B3GALT1: variants seen among roughly 807,000 people sequenced by gnomAD.
The protein encoded by B3GALT1 is beta-1,3-galactosyltransferase 1, also known as UDP-Gal:betaGlcNAc beta 1,3-galactosyltransferase, polypeptide 1.
B3GALT1 carries 10 observed loss-of-function variants against 23.2 expected under a neutral mutation model. That is an observed-to-expected ratio of 0.43 (90% CI 0.27 to 0.73). The LOEUF is 0.73. Ranked by LOEUF, B3GALT1 falls within the 30% of genes least tolerant of loss-of-function variation. The pLI is 0.21. For synonymous variants in B3GALT1, 156 were observed against 141.5 expected, an observed-to-expected ratio of 1.10 and a Z score of -0.73; for missense variants, 299 against 405.4, an observed-to-expected ratio of 0.74 and a Z score of 2.25.
intron 1 of B3GALT1, among the ~76,000 whole-genome samples, chr2:167,439,637 C>A (rs1017409276): frequency 6.6e-6 from 1 of 151,852 alleles, no homozygotes; most frequent in Non-Finnish European, 1.5e-5. Context: ...ATGTGCCATG[C>A]TGGTGTGCTG....
At chr2:167,634,409 G>A (rs543403097) in intron 2 of B3GALT1, among the ~76,000 whole-genome samples, 24 of 152,158 alleles carry the variant, frequency 1.6e-4, no homozygotes, top group Non-Finnish European at 3.2e-4. Context: ...ATGAATCCAG[G>A]AGCTGGTTTT....
At chr2:167,486,058 C>A (rs1436541583) in intron 1 of B3GALT1, among the ~76,000 whole-genome samples, 1 of 152,120 alleles carries the variant, frequency 6.6e-6, no homozygotes, top group African/African-American at 2.4e-5. Flanking sequence ...GTCTTAAGTG[C>A]AAATATTTAT....
intron 3 of B3GALT1, among the ~76,000 whole-genome samples, chr2:167,699,808 G>A (rs1332589649): frequency 6.6e-6 from 1 of 152,064 alleles, no homozygotes; most frequent in Non-Finnish European, 1.5e-5. Flanking sequence ...CACCTCCCAG[G>A]TTCAAGTGAT....
chr2:167,321,404 A>G (rs959081022), intron 1 of B3GALT1, among the ~76,000 whole-genome samples: 6 of 152,098 alleles, frequency 3.9e-5, no homozygotes, highest in African/African-American at 1.2e-4. Flanking sequence ...AATATTTGCT[A>G]TATATAAAAT....
In B3GALT1 at chr2:167,716,222, C is replaced by T. The variant is rs554163328; in HGVS notation, c.-352+69256C>T. Among the ~76,000 whole-genome samples, 3 of 152,342 alleles carry T rather than the reference C, an allele frequency of 2.0e-5. No individual in the cohort carries two copies. In the East Asian group the frequency reaches 5.8e-4, roughly 29 times the overall value. On this transcript the variant is annotated intron_variant, in intron 3 of 4. Coordinates refer to ENST00000392690, the MANE Select transcript of B3GALT1 (RefSeq NM_020981.4). ...TGCGGAGGGAGCTGGGGAATGCGGG[C>T]ACCCCCCACAGGCCTCACAGGCCCG...
chr2:167,420,647 A>G (rs1698532397), intron 1 of B3GALT1, among the ~76,000 whole-genome samples: 2 of 152,236 alleles, frequency 1.3e-5, no homozygotes, highest in Non-Finnish European at 2.9e-5. Flanking sequence ...CCTCATGCCT[A>G]GCATGGCCGT....
chr2:167,381,457 A>T (rs999914720), intron 1 of B3GALT1, among the ~76,000 whole-genome samples: 3 of 152,242 alleles, frequency 2.0e-5, no homozygotes, highest in Non-Finnish European at 4.4e-5. Context: ...TGCATGTTAG[A>T]ATCACTTGGG....
intron 2 of B3GALT1, among the ~76,000 whole-genome samples, chr2:167,592,444 G>A (rs140571023): frequency 1.8e-3 from 267 of 152,262 alleles, no homozygotes; most frequent in African/African-American, 6.3e-3. Flanking sequence ...TATGGCTGCA[G>A]GTTTGTGGAC....
rs1458068771 is a variant in B3GALT1 at position 167,825,263 on chromosome 2, G to A, written c.-230+6470G>A. On this transcript the variant is annotated intron_variant, in intron 4 of 4. Coordinates refer to ENST00000392690, the MANE Select transcript of B3GALT1 (RefSeq NM_020981.4). Reference sequence around the variant, plus strand: ...CGCGCCACTGTACTCTAGCCTGGGCGACAGAGCAAGACTCCGTCTCAAAAA... The same window carrying A: ...CGCGCCACTGTACTCTAGCCTGGGCAACAGAGCAAGACTCCGTCTCAAAAA... Among the ~76,000 whole-genome samples, 248 of 128,346 alleles carry A rather than the reference G, an allele frequency of 1.9e-3. 2 individuals carry two copies. The highest frequency in any genetic ancestry group is 7.2e-3 in the African/African-American group (234 of 32,550). 84.2% of individuals were successfully genotyped at this position (128,346 alleles called of 152,430 possible). A position where few individuals can be genotyped will look rare whatever the true frequency, so the allele number is the denominator to read the frequency against.
intron 4 of B3GALT1, among the ~76,000 whole-genome samples, chr2:167,819,850 G>A (rs1334106652): frequency 3.9e-5 from 6 of 152,176 alleles, no homozygotes; most frequent in Non-Finnish European, 8.8e-5. Flanking sequence ...GGATATGTTG[G>A]TTTTCACAGC....
chr2:167,652,733 C>T (rs1359947519), intron 3 of B3GALT1, among the ~76,000 whole-genome samples: 3 of 152,094 alleles, frequency 2.0e-5, no homozygotes, highest in Non-Finnish European at 2.9e-5. Context: ...ATAATAGGTG[C>T]TTTTTCAGGC....
intron 1 of B3GALT1, among the ~76,000 whole-genome samples, chr2:167,304,676 A>T (rs960794744): frequency 1.3e-5 from 2 of 151,420 alleles, no homozygotes; most frequent in Admixed American, 1.3e-4. Flanking sequence ...AGACAGAGAG[A>T]CAGAAAGAGG....
chr2:167,305,461 A>G (rs1295490348), intron 1 of B3GALT1, among the ~76,000 whole-genome samples: 3 of 152,168 alleles, frequency 2.0e-5, no homozygotes, highest in Admixed American at 1.3e-4. Flanking sequence ...GCTCTTGTGC[A>G]TATTATTTCA....
chr2:167,350,435 C>T (rs1697292263), intron 1 of B3GALT1, among the ~76,000 whole-genome samples: 1 of 152,094 alleles, frequency 6.6e-6, no homozygotes, highest in Admixed American at 6.5e-5. Context: ...GTTTATATAT[C>T]TGAGCAAAGG....
chr2:167,845,389 GGAAGGCCCATAGAC>G lies in B3GALT1; in HGVS notation c.-229-23419_-229-23406del, dbSNP rs570712722. 5.9e-5 allele frequency among the ~76,000 whole-genome samples: 9 copies of G among 152,270 alleles called. No individual in the cohort carries two copies. In the East Asian group the frequency reaches 1.7e-3, roughly 29 times the overall value. On this transcript the variant is annotated intron_variant, in intron 4 of 4. Coordinates refer to ENST00000392690, the MANE Select transcript of B3GALT1 (RefSeq NM_020981.4). ...AGAACAGGTGCTGGTATCCACGTCT[GGAAGGCCCATAGAC>G]GATTCATATCACAGGACTCTGTGCA...
chr2:167,458,801 T>A (rs1007264689), intron 1 of B3GALT1, among the ~76,000 whole-genome samples: 1 of 152,194 alleles, frequency 6.6e-6, no homozygotes, highest in Admixed American at 6.5e-5. Context: ...TAAACCAGAT[T>A]TTTTTGTTGT....
At chr2:167,435,433 C>CAAAAAAAAAAAAAAA (rs1159357073) in intron 1 of B3GALT1, among the ~76,000 whole-genome samples, 3 of 26,214 alleles carry the variant, frequency 1.1e-4, no homozygotes, top group Admixed American at 7.4e-4. Context: ...CATATGCTTG[C>CAAAAAAAAAAAAAAA]AAAAAAAAAA....
At chr2:167,590,904 A>G (rs1045616585) in intron 2 of B3GALT1, among the ~76,000 whole-genome samples, 1 of 152,208 alleles carries the variant, frequency 6.6e-6, no homozygotes, top group African/African-American at 2.4e-5. Context: ...AGAGAATGGT[A>G]TCTGCTCTAT....
chr2:167,530,300 A>G (rs774443953), intron 2 of B3GALT1, among the ~76,000 whole-genome samples: 1 of 152,170 alleles, frequency 6.6e-6, no homozygotes, highest in African/African-American at 2.4e-5. Context: ...TTACACTTAT[A>G]TATTACATAT....
Sources: gnomAD v4.1 joint callset for allele counts (sites outside exome capture counted in the v4.1 genomes callset) on GRCh38, gnomAD v4.1.1 for gene constraint, MANE v1.5 for transcripts, NCBI Gene and HGNC (gene_info 2026-07-23, HGNC 2026-07-21) for gene names.